INPP5A: variants seen among roughly 807,000 people sequenced by gnomAD.
INPP5A encodes 43 kDa inositol polyphosphate 5-phophatase.
A neutral mutation model predicts 65.2 loss-of-function variants in INPP5A; 14 were observed. The observed-to-expected ratio is 0.21, with a 90% CI of 0.14 to 0.34. INPP5A has a LOEUF of 0.34. INPP5A is among the 10% of genes least tolerant of loss of function. The probability of loss-of-function intolerance (pLI) is 1.00; values close to 1 mark genes in which losing one functional copy is unlikely to be tolerated. For missense variants in INPP5A, 431 were observed against 545.6 expected (o/e 0.79, Z 2.09); for synonymous variants, 207 against 208.3 (o/e 0.99, Z 0.05).
rs913375585 is a variant in INPP5A, at chr10:132,547,415, C to T, written c.75+9244C>T. Among the ~76,000 whole-genome samples, 7 of 152,166 alleles carry T rather than the reference C, an allele frequency of 4.6e-5. No individual in the cohort carries two copies. Among genetic ancestry groups the T allele is most frequent in the African/African-American group, 1.2e-4 (5 of 41,432 alleles). On this transcript the variant is annotated intron_variant, in intron 1 of 15. Coordinates refer to ENST00000368594, the MANE Select transcript of INPP5A (RefSeq NM_005539.5). The surrounding 1 kb of genome is among the most constrained non-coding windows in gnomAD (Gnocchi z 5.5). ...CTGGCCTTTGCTTCTGTCCGGGGCG[C>T]GTGGCCCAGGCTGAGCAGTGCACTC... is the stretch of plus-strand genomic sequence containing the variant.
chr10:132,691,008 C>T (rs1050282550), intron 5 of INPP5A, among the ~76,000 whole-genome samples: 4 of 152,222 alleles, frequency 2.6e-5, no homozygotes, highest in Admixed American at 6.5e-5. Context: ...TCCCGTCTGA[C>T]GCTATCGTTT....
intron 1 of INPP5A, among the ~76,000 whole-genome samples, chr10:132,544,828 G>A (rs902706006): frequency 1.3e-5 from 2 of 151,982 alleles, no homozygotes; most frequent in African/African-American, 4.8e-5. Flanking sequence ...GGCCGGCGGT[G>A]TTCTCTCTGC....
At chr10:132,681,874 C>G (rs1396916598) in intron 4 of INPP5A, among the ~76,000 whole-genome samples, 1 of 152,208 alleles carries the variant, frequency 6.6e-6, no homozygotes, top group Non-Finnish European at 1.5e-5. Context: ...GAAAGAAATT[C>G]TGGCAAGCAC....
At chr10:132,779,030 C>T (rs1350319395) in intron 13 of INPP5A, among the ~76,000 whole-genome samples, 3 of 152,232 alleles carry the variant, frequency 2.0e-5, no homozygotes, top group Non-Finnish European at 4.4e-5. Context: ...CCTGGCTGTG[C>T]TGTGAGGAGC....
At chr10:132,655,637 G>A (rs1251851037) in intron 4 of INPP5A, among the ~76,000 whole-genome samples, 2 of 152,190 alleles carry the variant, frequency 1.3e-5, no homozygotes, top group Non-Finnish European at 2.9e-5. Flanking sequence ...AACGTCACCC[G>A]CATCTGGTTT....
chr10:132,620,930 A>G (rs1478369632), intron 2 of INPP5A, among the ~76,000 whole-genome samples: 1 of 152,254 alleles, frequency 6.6e-6, no homozygotes, highest in Non-Finnish European at 1.5e-5. Flanking sequence ...AATTATTTTC[A>G]ATGTTGTAAA....
At chr10:132,655,051 G>A (rs1383282802) in intron 4 of INPP5A, among the ~76,000 whole-genome samples, 3 of 152,266 alleles carry the variant, frequency 2.0e-5, no homozygotes, top group South Asian at 2.1e-4. Flanking sequence ...GACATGCACC[G>A]ACTCCGCCAG....
At chr10:132,583,522 G>C (rs1174904751) in intron 1 of INPP5A, among the ~76,000 whole-genome samples, 1 of 152,018 alleles carries the variant, frequency 6.6e-6, no homozygotes, top group African/African-American at 2.4e-5. Flanking sequence ...AAGGATGTGA[G>C]TATCTGGAGT....
At chr10:132,774,355 C>T (rs1009272214) in intron 12 of INPP5A, among the ~76,000 whole-genome samples, 16 of 152,318 alleles carry the variant, frequency 1.1e-4, no homozygotes, top group African/African-American at 3.8e-4. Context: ...TACACAAGAG[C>T]GGCGTGGTAA....
chr10:132,769,259 C>T (rs1846907813), intron 12 of INPP5A, among the ~76,000 whole-genome samples: 2 of 152,206 alleles, frequency 1.3e-5, no homozygotes, highest in South Asian at 2.1e-4. Flanking sequence ...TTTATACAAC[C>T]CTCAATTTTT....
chr10:132,782,169 C>T lies in INPP5A; in HGVS notation c.*140C>T. Reference sequence around the variant, plus strand: ...GCTAGACGGCCAGCCCCACACTTCGCTTCAGCCTCCGGACCATTCCGGAGC... The same window carrying T: ...GCTAGACGGCCAGCCCCACACTTCGTTTCAGCCTCCGGACCATTCCGGAGC... On this transcript the variant is annotated 3_prime_UTR_variant, in exon 16 of 16. Transcript: ENST00000368594. This position sits in a 1 kb window ranked among gnomAD's most constrained non-coding sequence, Gnocchi z 4.4. The T allele has an allele frequency of 1.2e-5, 17 of 1,408,732 alleles. No individual in the cohort carries two copies. The highest frequency in any genetic ancestry group is 1.6e-5 in the Non-Finnish European group (17 of 1,030,992). 87.3% of individuals were successfully genotyped at this position (1,408,732 alleles called of 1,614,324 possible).
chr10:132,757,523 C>T (rs1846646694), intron 11 of INPP5A, among the ~76,000 whole-genome samples: 1 of 152,238 alleles, frequency 6.6e-6, no homozygotes, highest in South Asian at 2.1e-4. Flanking sequence ...AGGCGTGGAG[C>T]GTACACGCGC....
chr10:132,566,509 G>A (rs932067699), intron 1 of INPP5A, among the ~76,000 whole-genome samples: 1 of 152,160 alleles, frequency 6.6e-6, no homozygotes, highest in African/African-American at 2.4e-5. Flanking sequence ...AAATAAACTC[G>A]ATCCAATGTG....
intron 11 of INPP5A, among the ~76,000 whole-genome samples, chr10:132,764,975 T>A (rs61862841): frequency 9.3e-4 from 83 of 89,624 alleles, no homozygotes; most frequent in African/African-American, 1.4e-3. Context: ...TCAGTCCTGC[T>A]GCGGTGGGAG....
intron 2 of INPP5A, among the ~76,000 whole-genome samples, chr10:132,610,066 G>T (rs917019749): frequency 2.0e-5 from 3 of 152,222 alleles, no homozygotes; most frequent in East Asian, 1.9e-4. Context: ...GGCCTGACCC[G>T]CAGTTCCTGA....
intron 11 of INPP5A, among the ~76,000 whole-genome samples, chr10:132,759,819 G>GC (rs1471671957): frequency 1.3e-5 from 2 of 152,146 alleles, no homozygotes; most frequent in East Asian, 1.9e-4. Flanking sequence ...CGTCCTCAGA[G>GC]CCCCCCGGCC....
intron 4 of INPP5A, among the ~76,000 whole-genome samples, chr10:132,684,889 C>T (rs568381816): frequency 6.6e-6 from 1 of 152,322 alleles, no homozygotes; most frequent in East Asian, 1.9e-4. Context: ...CCTGTGTCCT[C>T]ACAGCATGCA....
chr10:132,746,015 G>A (rs1846366032), intron 9 of INPP5A, among the ~76,000 whole-genome samples: 1 of 152,188 alleles, frequency 6.6e-6, no homozygotes, highest in South Asian at 2.1e-4. Context: ...CGCCTTGGCA[G>A]GACCTAGAAG....
At chr10:132,712,971 T>G (rs1345195658) in intron 8 of INPP5A, among the ~76,000 whole-genome samples, 1 of 149,218 alleles carries the variant, frequency 6.7e-6, no homozygotes, top group Non-Finnish European at 1.5e-5. Context: ...TGCATGTGGA[T>G]CTGTGTGGAT....
Sources: gnomAD v4.1 joint callset for allele counts (sites outside exome capture counted in the v4.1 genomes callset) on GRCh38, gnomAD v4.1.1 for gene constraint, Gnocchi (gnomAD v3.1) non-coding constraint, MANE v1.5 for transcripts, NCBI Gene and HGNC (gene_info 2026-07-23, HGNC 2026-07-21) for gene names.